Variants in MAPK6 observed in about 807,000 individuals in gnomAD.
MAPK6 encodes mitogen-activated protein kinase 6, also known as ERK-3.
A neutral mutation model predicts 59.3 loss-of-function variants in MAPK6; 19 were observed. The ratio of observed to expected loss-of-function variants is 0.32; its 90% confidence interval spans 0.22 to 0.47. The LOEUF (loss-of-function observed/expected upper bound fraction) is 0.47. Ranked by LOEUF, MAPK6 falls within the 20% of genes least tolerant of loss-of-function variation. The probability of loss-of-function intolerance (pLI) is 1.00; values close to 1 mark genes in which losing one functional copy is unlikely to be tolerated. For synonymous variants in MAPK6, 316 were observed against 290.3 expected, an observed-to-expected ratio of 1.09 and a Z score of -0.90; for missense variants, 724 against 847.9, an observed-to-expected ratio of 0.85 and a Z score of 1.81.
intron 1 of MAPK6, among the ~76,000 whole-genome samples, chr15:51,974,206 C>T (rs1038221474): frequency 2.6e-5 from 4 of 151,692 alleles, no homozygotes; most frequent in African/African-American, 4.8e-5. Context: ...AAGTGATCCT[C>T]GTGTCTTGGC....
In MAPK6 at chr15:52,065,863, GCTCA is replaced by G. The variant is rs1318718146; in HGVS notation, c.*866_*869del. On this transcript the variant is annotated 3_prime_UTR_variant, in exon 6 of 6. Coordinates refer to ENST00000261845, the MANE Select transcript of MAPK6 (RefSeq NM_002748.4). ...CTTAAGTGTTCATTTTAAGTAACGT[GCTCA>G]CTGTGTATAGGAATTTGTATTTTGG... 1.3e-5 allele frequency: 2 copies of G among 152,542 alleles called. No homozygotes were observed. Among genetic ancestry groups the G allele is most frequent in the African/African-American group, 2.4e-5 (1 of 41,430 alleles). The allele number at this position is 152,542 out of a possible 1,614,324, so 9.4% of individuals were successfully genotyped here.
intron 2 of MAPK6, among the ~76,000 whole-genome samples, chr15:51,997,679 C>T (rs929662550): frequency 5.3e-5 from 8 of 150,866 alleles, no homozygotes; most frequent in Non-Finnish European, 5.9e-5. Flanking sequence ...CAAACTCTGC[C>T]TCCCGGGTTC....
At chr15:52,051,533 T>A (rs2031780149) in intron 3 of MAPK6, among the ~76,000 whole-genome samples, 1 of 152,196 alleles carries the variant, frequency 6.6e-6, no homozygotes, top group Non-Finnish European at 1.5e-5. Context: ...CAGTACTTAG[T>A]TTATATAACA....
intron 2 of MAPK6, among the ~76,000 whole-genome samples, chr15:51,984,689 G>C (rs1417034953): frequency 6.6e-6 from 1 of 151,984 alleles, no homozygotes; most frequent in Non-Finnish European, 1.5e-5. Flanking sequence ...AGTTCTCCGG[G>C]GGGGAAGAAA....
chr15:51,988,117 A>AT (rs1341634021), intron 2 of MAPK6, among the ~76,000 whole-genome samples: 1 of 152,056 alleles, frequency 6.6e-6, no homozygotes, highest in African/African-American at 2.4e-5. Flanking sequence ...GTTTATGTTT[A>AT]TTTTTTATGT....
At chr15:52,024,086 C>G (rs12324807) in intron 1 of MAPK6, among the ~76,000 whole-genome samples, 2,459 of 152,098 alleles carry the variant, frequency 0.016, 29 homozygotes, top group African/African-American at 0.033. Context: ...TTTTTAGAAT[C>G]CTAGCATTTA....
chr15:52,038,191 A>T lies in MAPK6; in HGVS notation c.-631-7639A>T, dbSNP rs979258916. On this transcript the variant is annotated intron_variant, in intron 1 of 5. Transcript: ENST00000261845. ...AAAAAATTGACCTCTGCTATAGCTT[A>T]ATGCCTAAAACAATGCCTGGCACAT... 2.0e-5 allele frequency among the ~76,000 whole-genome samples: 3 copies of T among 151,236 alleles called. No individual in the cohort carries two copies. In the South Asian group the frequency reaches 6.3e-4, roughly 32 times the overall value.
Position 51,991,146 on chromosome 15 carries a change from T to TACACAC in MAPK6, c.-770+7832_-770+7833insCACACA, listed in dbSNP as rs141153685. ...TCCATCTCAAAAAGAAATATATATA[T>TACACAC]ATACACACACACACACACACACACA... On this transcript the variant is annotated intron_variant, in intron 2 of 7. Coordinates refer to the MAPK6 transcript ENST00000691380. Among the ~76,000 whole-genome samples the TACACAC allele has an allele frequency of 6.8e-3, 822 of 120,394 alleles. 4 individuals carry two copies. Among genetic ancestry groups the TACACAC allele is most frequent in the East Asian group, 0.026 (103 of 3,938 alleles). The allele number at this position is 120,394 out of a possible 152,430, so 79.0% of individuals were successfully genotyped here. A position where few individuals can be genotyped will look rare whatever the true frequency, so the allele number is the denominator to read the frequency against.
At chr15:52,056,483 G>A (rs2031987772) in intron 3 of MAPK6, among the ~76,000 whole-genome samples, 1 of 152,154 alleles carries the variant, frequency 6.6e-6, no homozygotes, top group Non-Finnish European at 1.5e-5. Flanking sequence ...CTTACATTCT[G>A]TCTTTCACCC....
At chr15:52,016,070 G>GCGCGCGCGCGCGCA, upstream of MAPK6, among the ~76,000 whole-genome samples, 32 of 55,386 alleles carry the variant, frequency 5.8e-4, no homozygotes, top group Non-Finnish European at 9.2e-4. Flanking sequence ...GCGCGCGCGC[G>GCGCGCGCGCGCGCA]CACACACACA....
upstream of MAPK6, among the ~76,000 whole-genome samples, chr15:52,016,512 T>A (rs1314499302): frequency 6.6e-6 from 1 of 152,028 alleles, no homozygotes; most frequent in Admixed American, 6.5e-5. Context: ...AAAGGTGGAG[T>A]TGCAAATAAC....
intron 4 of MAPK6, among the ~76,000 whole-genome samples, chr15:52,060,779 CAG>C (rs2032170689): frequency 6.6e-6 from 1 of 152,164 alleles, no homozygotes; most frequent in Non-Finnish European, 1.5e-5. Flanking sequence ...ATTAGTACAA[CAG>C]AGATGTTTTA....
chr15:52,011,676 G>A (rs1262639181), intron 3 of MAPK6, among the ~76,000 whole-genome samples: 1 of 152,302 alleles, frequency 6.6e-6, no homozygotes, highest in East Asian at 1.9e-4. Flanking sequence ...TCCCCTAGGA[G>A]CAGGGTTCAG....
Position 52,064,670 on chromosome 15 carries a change from G to A in MAPK6, c.1836G>A (p.Glu612=), listed in dbSNP as rs1303061372. 6 of 1,611,716 alleles carry A rather than the reference G, an allele frequency of 3.7e-6. No homozygotes were observed. The highest frequency in any genetic ancestry group is 2.7e-5 in the African/African-American group (2 of 74,828). The change falls in exon 6 of 6, where the codon GAG becomes GAA. Residue 612 remains glutamate (E), a synonymous_variant. Coordinates refer to ENST00000261845, the MANE Select transcript of MAPK6 (RefSeq NM_002748.4). ...EDCFFINQFC[E]VRKDEQVEKE... is the part of the protein sequence containing the mutation. ...GTTTTTTCATAAATCAGTTTTGTGA[G>A]GTAAGGAAGGATGAACAAGTTGAGA...
intron 1 of MAPK6, among the ~76,000 whole-genome samples, chr15:52,043,516 C>T (rs11631522): frequency 0.13 from 19,685 of 151,546 alleles, 1,742 homozygotes; most frequent in East Asian, 0.4. Flanking sequence ...AGGCTGATCT[C>T]GAACTCACGA....
chr15:51,976,634 T>C (rs768084854), intron 1 of MAPK6, among the ~76,000 whole-genome samples: 4 of 151,794 alleles, frequency 2.6e-5, no homozygotes, highest in Non-Finnish European at 4.4e-5. Context: ...GTTAGAACTA[T>C]GTGGAATTGT....
intron 1 of MAPK6, among the ~76,000 whole-genome samples, chr15:52,027,220 T>G (rs1195013026): frequency 6.8e-6 from 1 of 147,464 alleles, no homozygotes; most frequent in Admixed American, 6.7e-5. Context: ...CATGGTAGCG[T>G]ATGCCTGTAA....
rs966417195 is a variant in MAPK6, at chr15:51,972,368, A to G, written c.-880+462A>G. 4.0e-5 allele frequency among the ~76,000 whole-genome samples: 6 copies of G among 151,760 alleles called. No individual in the cohort carries two copies. The East Asian group carries it at 1.2e-3, about 30-fold the overall frequency. On this transcript the variant is annotated intron_variant, in intron 1 of 7. Transcript: ENST00000691380. ...TGCCCAGGCTGGTCGCAAACTCAGG[A>G]GCTCAGGCAATCCGCCCGCCTCGGC...
rs977115302 is a variant in MAPK6, at chr15:52,066,148, T to C, written c.*1148T>C. 2 of 152,640 alleles carry C rather than the reference T, an allele frequency of 1.3e-5. No homozygotes were observed. The highest frequency in any genetic ancestry group is 2.9e-5 in the Non-Finnish European group (2 of 68,038). 9.5% of individuals were successfully genotyped at this position (152,640 alleles called of 1,614,324 possible). On this transcript the variant is annotated 3_prime_UTR_variant, in exon 6 of 6. Transcript: ENST00000261845. ...GAATAAAATTAGGTTAAACGTAGCA[T>C]GTGGCATCGCAGTCTCTTAGAATTT...
Sources: allele counts gnomAD v4.1 joint callset (sites outside exome capture counted in the v4.1 genomes callset), GRCh38; gene constraint gnomAD v4.1.1; transcripts MANE v1.5; gene names NCBI Gene and HGNC (gene_info 2026-07-23, HGNC 2026-07-21).